MAGI2: variants seen among roughly 807,000 people sequenced by gnomAD.
The protein encoded by MAGI2 is membrane associated guanylate kinase, WW and PDZ domain containing 2.
MAGI2 carries 35 observed loss-of-function variants against 133.3 expected under a neutral mutation model. That is an observed-to-expected ratio of 0.26 (90% CI 0.20 to 0.35). MAGI2 has a LOEUF of 0.35. MAGI2 is among the 10% of genes least tolerant of loss of function. The pLI is 1.00. For missense variants in MAGI2, 1,636 were observed against 1,863.4 expected (o/e 0.88, Z 2.25); for synonymous variants, 729 against 710.6 (o/e 1.03, Z -0.41).
At chr7:79,033,982 CTA>C (rs1469358275) in intron 1 of MAGI2, among the ~76,000 whole-genome samples, 6 of 152,194 alleles carry the variant, frequency 3.9e-5, no homozygotes, top group South Asian at 2.1e-4. Context: ...TAGTAATTAA[CTA>C]TTAATTTTTA....
intron 2 of MAGI2, among the ~76,000 whole-genome samples, chr7:78,691,306 G>C (rs1816931837): frequency 1.3e-5 from 2 of 152,176 alleles, no homozygotes; most frequent in African/African-American, 4.8e-5. Context: ...CTAAGTGCAA[G>C]CTCTGTGAAT....
At chr7:78,858,852 T>C (rs952118708) in intron 2 of MAGI2, among the ~76,000 whole-genome samples, 2 of 152,124 alleles carry the variant, frequency 1.3e-5, no homozygotes, top group African/African-American at 4.8e-5. Context: ...AAGTCTCCCA[T>C]TATTATTGTG....
At chr7:78,187,600 T>C (rs1827812022) in intron 12 of MAGI2, among the ~76,000 whole-genome samples, 2 of 152,190 alleles carry the variant, frequency 1.3e-5, no homozygotes, top group African/African-American at 4.8e-5. Context: ...AGTTGGCTCA[T>C]GGAGAGCATA....
At chr7:79,146,207 G>T (rs1822598980) in intron 1 of MAGI2, among the ~76,000 whole-genome samples, 1 of 152,224 alleles carries the variant, frequency 6.6e-6, no homozygotes, top group Non-Finnish European at 1.5e-5. Context: ...TTGTGATGTG[G>T]AAGAGGGAGA....
At chr7:78,473,736 T>TCCA (rs1791460359) in intron 6 of MAGI2, among the ~76,000 whole-genome samples, 1 of 152,020 alleles carries the variant, frequency 6.6e-6, no homozygotes, top group African/African-American at 2.4e-5. Context: ...TATACAAGGA[T>TCCA]GCAGTGGTTT....
chr7:78,262,770 C>A (rs950413439), intron 9 of MAGI2, among the ~76,000 whole-genome samples: 1 of 152,166 alleles, frequency 6.6e-6, no homozygotes, highest in Non-Finnish European at 1.5e-5. Context: ...CTTTAAAATT[C>A]TAAGACAAAG....
At chr7:79,289,307 T>A (rs1055999706) in intron 1 of MAGI2, among the ~76,000 whole-genome samples, 1 of 152,118 alleles carries the variant, frequency 6.6e-6, no homozygotes, top group Admixed American at 6.6e-5. Context: ...ATATCACCAC[T>A]AAAAATTAAC....
rs1412238279 is a variant in MAGI2 at position 78,168,037 on chromosome 7, A to G, written c.2475T>C (p.Leu825=). Residue 825 remains leucine (L), a synonymous_variant, in exon 15 of 22, where the codon CTT becomes CTC. Transcript: ENST00000354212. The part of the protein sequence containing the change: ...RDGRLHPGDE[L]VYVDGIPVAG... ...CTACTGGAATCCCATCAACATACAC[A>G]AGCTCATCTCCTGGGTGAAGGCGGC... 10 of 1,614,092 alleles carry G rather than the reference A, an allele frequency of 6.2e-6. No individual in the cohort carries two copies. The highest frequency in any genetic ancestry group is 1.1e-5 in the South Asian group (1 of 91,080).
rs1190870524 is a variant in MAGI2 at position 78,153,990 on chromosome 7, A to G, written c.2845+6035T>C. ...GTAGAGAGACCTTGGCTTTTGTTTT[A>G]CTTTGTGCCTCCTCTAATTTCAATG... is the stretch of plus-strand genomic sequence containing the variant. On this transcript the variant is annotated intron_variant, in intron 16 of 21. Transcript: ENST00000354212. 2.6e-5 allele frequency among the ~76,000 whole-genome samples: 4 copies of G among 152,136 alleles called. No homozygotes were observed. In the East Asian group the frequency reaches 5.8e-4, roughly 22 times the overall value.
At chr7:78,308,643 G>A (rs1402348223) in intron 9 of MAGI2, among the ~76,000 whole-genome samples, 1 of 151,088 alleles carries the variant, frequency 6.6e-6, no homozygotes, top group Non-Finnish European at 1.5e-5. Context: ...CTTTTCAGGT[G>A]TTCCATTACT....
chr7:79,039,855 TTATATATATATAA>T (rs1389394432), intron 1 of MAGI2, among the ~76,000 whole-genome samples: 1 of 142,910 alleles, frequency 7.0e-6, no homozygotes, highest in African/African-American at 2.6e-5. Flanking sequence ...TACATATATA[TTATATATATATAA>T]TATATATGTA....
intron 6 of MAGI2, among the ~76,000 whole-genome samples, chr7:78,386,972 G>C (rs922740293): frequency 1.3e-5 from 2 of 152,170 alleles, no homozygotes; most frequent in African/African-American, 2.4e-5. Flanking sequence ...CAAGGTGTTA[G>C]GCTACATTTT....
At chr7:78,525,468 T>C (rs1796869682) in intron 3 of MAGI2, among the ~76,000 whole-genome samples, 1 of 152,192 alleles carries the variant, frequency 6.6e-6, no homozygotes. Flanking sequence ...AAAATGTGCC[T>C]TTTAGGTAAC....
chr7:78,715,095 G>A (rs1285461471), intron 2 of MAGI2, among the ~76,000 whole-genome samples: 1 of 152,194 alleles, frequency 6.6e-6, no homozygotes, highest in Non-Finnish European at 1.5e-5. Context: ...TATTTACTAA[G>A]AGAGTTTAAT....
intron 7 of MAGI2, chr7:78,358,960 T>C (rs1468001726): frequency 6.5e-6 from 1 of 152,970 alleles, no homozygotes; most frequent in Non-Finnish European, 1.5e-5. Flanking sequence ...GAGCCTACCC[T>C]TCCTGCATCA....
chr7:78,444,333 G>T lies in MAGI2; in HGVS notation c.1045+45428C>A, dbSNP rs1160432745. 6.6e-5 allele frequency among the ~76,000 whole-genome samples: 10 copies of T among 152,148 alleles called. No homozygotes were observed. The East Asian group carries it at 1.7e-3, about 27-fold the overall frequency. On this transcript the variant is annotated intron_variant, in intron 6 of 21. Coordinates refer to ENST00000354212, the MANE Select transcript of MAGI2 (RefSeq NM_012301.4). ...AGAGCCACGCAGAACAGTGAAAAAAGACTTCCAATCTTAGATGCATTTTGG... is the reference window on the plus strand; with the variant it reads ...AGAGCCACGCAGAACAGTGAAAAAATACTTCCAATCTTAGATGCATTTTGG...
At chr7:78,923,475 C>G (rs1281796760) in intron 2 of MAGI2, among the ~76,000 whole-genome samples, 3 of 152,088 alleles carry the variant, frequency 2.0e-5, no homozygotes, top group African/African-American at 7.2e-5. Context: ...GCTTGTTTTT[C>G]TCAGGTTTGT....
intron 6 of MAGI2, among the ~76,000 whole-genome samples, chr7:78,482,878 T>TACAC (rs3086358): frequency 0.029 from 2,603 of 89,772 alleles, 47 homozygotes; most frequent in East Asian, 0.14. Flanking sequence ...CACATGGAAC[T>TACAC]ACACACACAC....
chr7:78,418,599 GTTAAC>G (rs1798509311), intron 6 of MAGI2, among the ~76,000 whole-genome samples: 1 of 152,116 alleles, frequency 6.6e-6, no homozygotes, highest in Non-Finnish European at 1.5e-5. Context: ...TTTCATTTTG[GTTAAC>G]TTAAATGTAA....
Sources: allele counts gnomAD v4.1 joint callset (sites outside exome capture counted in the v4.1 genomes callset), GRCh38; gene constraint gnomAD v4.1.1; transcripts MANE v1.5; gene names NCBI Gene and HGNC (gene_info 2026-07-23, HGNC 2026-07-21).